The following B3GAT2 variants were observed in gnomAD, a reference collection of about 807,000 sequenced individuals.
The protein encoded by B3GAT2 is galactosylgalactosylxylosylprotein 3-beta-glucuronosyltransferase 2.
Under a neutral mutation model 27.8 loss-of-function variants are expected in B3GAT2, and 26 were observed. That is an observed-to-expected ratio of 0.93 (90% CI 0.68 to 1.30). The LOEUF (loss-of-function observed/expected upper bound fraction) is 1.30. Ranked by LOEUF, B3GAT2 falls within the 50% of genes most tolerant of loss-of-function variation. The pLI, the probability that B3GAT2 is intolerant of heterozygous loss-of-function variation, is 0.00. For missense variants in B3GAT2, 458 were observed against 459.0 expected (o/e 1.00, Z 0.02); for synonymous variants, 218 against 195.1 (o/e 1.12, Z -0.98).
chr6:70,956,515 G>A lies in B3GAT2; in HGVS notation c.-86C>T. The stretch of plus-strand genomic sequence containing the variant: ...CGCAGCTTGGACAGCGGCGGCGCCA[G>A]CACTTAGGGAGTGGTGATGGGTGCG... On this transcript the variant is annotated 5_prime_UTR_variant, in exon 1 of 4. Transcript: ENST00000230053. 4.6e-6 allele frequency: 7 copies of A among 1,536,356 alleles called. No individual in the cohort carries two copies. Among genetic ancestry groups the A allele is most frequent in the Non-Finnish European group, 6.1e-6 (7 of 1,141,516 alleles).
chr6:70,956,786 A>G lies in B3GAT2; in HGVS notation c.-357T>C. On this transcript the variant is annotated 5_prime_UTR_variant, in exon 1 of 4. Transcript: ENST00000230053. ...CCACCGCGCTCTTTCTGAAGAGTGGAAGCCGAGAAGCGGCACCCGGTGCGC... is the reference window on the plus strand; with the variant it reads ...CCACCGCGCTCTTTCTGAAGAGTGGGAGCCGAGAAGCGGCACCCGGTGCGC... The G allele has an allele frequency of 9.0e-7, 1 of 1,105,500 alleles. No individual in the cohort carries two copies. Among genetic ancestry groups the G allele is most frequent in the Non-Finnish European group, 1.1e-6 (1 of 906,574 alleles). 68.5% of individuals were successfully genotyped at this position (1,105,500 alleles called of 1,614,324 possible). A position where few individuals can be genotyped will look rare whatever the true frequency, so the allele number is the denominator to read the frequency against.
At chr6:70,912,607 C>T (rs546563404) in intron 1 of B3GAT2, among the ~76,000 whole-genome samples, 3 of 151,678 alleles carry the variant, frequency 2.0e-5, no homozygotes, top group African/African-American at 4.8e-5. Context: ...TGTTGTCTCT[C>T]CCAGTTTTCG....
intron 1 of B3GAT2, among the ~76,000 whole-genome samples, chr6:70,897,518 C>A (rs1300837997): frequency 6.6e-6 from 1 of 151,734 alleles, no homozygotes; most frequent in African/African-American, 2.4e-5. Flanking sequence ...GTGGGCGGAT[C>A]ACTTGAGGTC....
chr6:70,890,688 G>A (rs904622870), intron 2 of B3GAT2, among the ~76,000 whole-genome samples: 3 of 152,234 alleles, frequency 2.0e-5, no homozygotes, highest in Non-Finnish European at 4.4e-5. Context: ...TGGGGGGCAT[G>A]TGAAATAAGG....
At chr6:70,899,968 T>A (rs956016565) in intron 1 of B3GAT2, among the ~76,000 whole-genome samples, 1 of 152,204 alleles carries the variant, frequency 6.6e-6, no homozygotes, top group South Asian at 2.1e-4. Flanking sequence ...CAATCTCAGG[T>A]GTCTGGTGTG....
rs532820327 is a variant in B3GAT2 at position 70,927,454 on chromosome 6, T to C, written c.591+28385A>G. 1.1e-4 allele frequency among the ~76,000 whole-genome samples: 16 copies of C among 152,238 alleles called. No individual in the cohort carries two copies. The East Asian group carries it at 3.1e-3, about 29-fold the overall frequency. The stretch of plus-strand genomic sequence containing the variant: ...CCCATCTCACATGCAGAGACACACA[T>C]AGGCTCAAAATAAAGGGATGGAGGA... On this transcript the variant is annotated intron_variant, in intron 1 of 3. Transcript: ENST00000230053.
In B3GAT2 at chr6:70,860,681, C is replaced by G. The variant is rs1349098541; in HGVS notation, c.*982G>C. On this transcript the variant is annotated 3_prime_UTR_variant, in exon 4 of 4. Coordinates refer to ENST00000230053, the MANE Select transcript of B3GAT2 (RefSeq NM_080742.3). ...AGTAGTTATCATGTTAGTAATACCTCTAATAGTATAAACCCCACCCCAAAA... is the reference window on the plus strand; with the variant it reads ...AGTAGTTATCATGTTAGTAATACCTGTAATAGTATAAACCCCACCCCAAAA... 2.4e-6 allele frequency: 1 copy of G among 409,900 alleles called. No homozygotes were observed. Among genetic ancestry groups the G allele is most frequent in the Non-Finnish European group, 4.3e-6 (1 of 232,500 alleles). The allele number at this position is 409,900 out of a possible 1,614,324, so 25.4% of individuals were successfully genotyped here.
chr6:70,920,492 T>C (rs912351278), intron 1 of B3GAT2, among the ~76,000 whole-genome samples: 2 of 152,248 alleles, frequency 1.3e-5, no homozygotes, highest in Non-Finnish European at 2.9e-5. Context: ...AGAAATTACC[T>C]GTCTTCTGCA....
rs191941070 is a variant in B3GAT2 at position 70,873,741 on chromosome 6, C to A, written c.737-11763G>T. Among the ~76,000 whole-genome samples the A allele has an allele frequency of 3.5e-3, 527 of 151,714 alleles. 4 individuals are homozygous for A. Among genetic ancestry groups the A allele is most frequent in the African/African-American group, 0.012 (504 of 41,398 alleles). On this transcript the variant is annotated intron_variant, in intron 2 of 3. Transcript: ENST00000230053. ...GAGGTCCTGTTCATTTTTCGTCATT[C>A]TTTTTTCTGTTCCTTAAACTGGATC...
intron 1 of B3GAT2, among the ~76,000 whole-genome samples, chr6:70,913,975 G>T (rs532561500): frequency 1.6e-4 from 24 of 151,950 alleles, no homozygotes; most frequent in Admixed American, 2.6e-4. Flanking sequence ...GATCATTGTT[G>T]CTTTAAAGTC....
chr6:70,887,803 G>GA (rs1772213764), intron 2 of B3GAT2, among the ~76,000 whole-genome samples: 1 of 152,186 alleles, frequency 6.6e-6, no homozygotes, highest in African/African-American at 2.4e-5. Context: ...GAGTAGGGCT[G>GA]AACGAGGAAG....
chr6:70,942,465 C>A (rs1344434915), intron 1 of B3GAT2, among the ~76,000 whole-genome samples: 2 of 152,148 alleles, frequency 1.3e-5, no homozygotes, highest in Non-Finnish European at 2.9e-5. Flanking sequence ...CATCCCTGTC[C>A]CATCACCCAC....
rs117523656 is a variant in B3GAT2 at position 70,879,918 on chromosome 6, T to C, written c.736+14210A>G. Among the ~76,000 whole-genome samples, 581 of 152,084 alleles carry C rather than the reference T, an allele frequency of 3.8e-3. 28 individuals are homozygous for C. The East Asian group carries it at 0.086, about 22-fold the overall frequency. ...GCTCGGGGGTGGGGATGCCCAACCA[T>C]GCAGGGCCTGGGAGGCCATGGAGAA... On this transcript the variant is annotated intron_variant, in intron 2 of 3. Transcript: ENST00000230053.
chr6:70,860,202 G>GAATC lies in B3GAT2; in HGVS notation c.*1457_*1460dup. 6.2e-7 allele frequency: 1 copy of GAATC among 1,606,040 alleles called. No individual in the cohort carries two copies. Among genetic ancestry groups the GAATC allele is most frequent in the Non-Finnish European group, 8.5e-7 (1 of 1,177,222 alleles). On this transcript the variant is annotated 3_prime_UTR_variant, in exon 4 of 4. Transcript: ENST00000230053. ...TAAGCCTTTTATATGTTTCACAGATGAATCAGCAGATGGCTGGCATGAGTA... is the reference window on the plus strand; with the variant it reads ...TAAGCCTTTTATATGTTTCACAGATGAATCAATCAGCAGATGGCTGGCATGAGTA...
intron 1 of B3GAT2, among the ~76,000 whole-genome samples, chr6:70,918,697 T>G (rs907824691): frequency 7.2e-5 from 11 of 152,234 alleles, no homozygotes; most frequent in African/African-American, 2.7e-4. Context: ...AAAAATTCTT[T>G]TCTTTAAGCA....
intron 1 of B3GAT2, among the ~76,000 whole-genome samples, chr6:70,947,285 A>G (rs1288459884): frequency 2.0e-5 from 3 of 152,052 alleles, no homozygotes; most frequent in Non-Finnish European, 4.4e-5. Context: ...AAATTAATGA[A>G]TCCAGGAGCT....
intron 1 of B3GAT2, among the ~76,000 whole-genome samples, chr6:70,899,214 A>G (rs1255871740): frequency 6.6e-6 from 1 of 152,216 alleles, no homozygotes; most frequent in Admixed American, 6.5e-5. Flanking sequence ...GACCACTAGA[A>G]CAATTAAATA....
At chr6:70,889,855 T>C (rs976036314) in intron 2 of B3GAT2, among the ~76,000 whole-genome samples, 1 of 151,544 alleles carries the variant, frequency 6.6e-6, no homozygotes, top group Admixed American at 6.6e-5. Flanking sequence ...CAATCTCGGC[T>C]CACTGCAACC....
chr6:70,897,333 A>G (rs144548655), intron 1 of B3GAT2, among the ~76,000 whole-genome samples: 3 of 152,288 alleles, frequency 2.0e-5, no homozygotes, highest in East Asian at 3.9e-4. Flanking sequence ...TCCGTGGCTC[A>G]TCTTTTCATT....
Sources: gnomAD v4.1 joint callset for allele counts (sites outside exome capture counted in the v4.1 genomes callset) on GRCh38, gnomAD v4.1.1 for gene constraint, MANE v1.5 for transcripts, NCBI Gene and HGNC (gene_info 2026-07-23, HGNC 2026-07-21) for gene names.